The following LRP6 variants were observed in gnomAD, a reference collection of about 807,000 sequenced individuals.
LRP6 encodes LDL receptor related protein 6.
In LRP6, 43 loss-of-function variants were observed where a neutral mutation model predicts 184.1. The observed-to-expected ratio is 0.23, with a 90% confidence interval of 0.18 to 0.30. The LOEUF (loss-of-function observed/expected upper bound fraction) is 0.30, where lower values mean the gene tolerates loss of function less well. Among genes scored for constraint, LRP6 ranks in the 10% least tolerant of loss-of-function variants. LRP6 has a pLI of 1.00. For synonymous variants in LRP6, 719 were observed against 684.9 expected (o/e 1.05, Z -0.78); for missense variants, 1,571 against 2,005.3 (o/e 0.78, Z 4.14).
Position 12,126,855 on chromosome 12 carries a change from G to A in LRP6, c.4148C>T (p.Thr1383Ile). The A allele has an allele frequency of 6.2e-7, 1 of 1,614,104 alleles. No individual in the cohort carries two copies. The highest frequency in any genetic ancestry group is 8.5e-7 in the Non-Finnish European group (1 of 1,179,994). The change falls in exon 20 of 23, where the codon ACC becomes ATC. Residue 1383 changes from threonine (T) to isoleucine (I), a missense_variant. Around this residue, in one of 4 missense-constraint regions of LRP6, gnomAD observed 763 missense variants for 859.5 expected, o/e 0.89. Coordinates refer to ENST00000261349, the MANE Select transcript of LRP6 (RefSeq NM_002336.3). ...TVGSVIGVIV[T>I]IFVSGTVYFI... is the part of the protein sequence containing the mutation. ...GTATACAGTTCCAGACACAAAAATG[G>A]TGACAATTACGCCAATAACAGAACC... is the stretch of plus-strand genomic sequence containing the variant.
At chr12:12,160,834 T>A (rs549968655) in intron 10 of LRP6, among the ~76,000 whole-genome samples, 1 of 152,312 alleles carries the variant, frequency 6.6e-6, no homozygotes, top group African/African-American at 2.4e-5. Context: ...GAGGTGCTAG[T>A]TTTTGAGACT....
intron 7 of LRP6, among the ~76,000 whole-genome samples, chr12:12,176,515 A>C (rs1390252348): frequency 5.9e-5 from 9 of 152,208 alleles, no homozygotes; most frequent in African/African-American, 1.7e-4. Context: ...ACCTGAGGTT[A>C]AATCTATTCA....
intron 3 of LRP6, among the ~76,000 whole-genome samples, chr12:12,190,574 T>G (rs1168224425): frequency 6.6e-6 from 1 of 152,254 alleles, no homozygotes; most frequent in Non-Finnish European, 1.5e-5. Flanking sequence ...CTTTGAACTC[T>G]GCAAGTGGTT....
intron 19 of LRP6, among the ~76,000 whole-genome samples, chr12:12,129,660 C>A (rs1167548424): frequency 6.6e-6 from 1 of 151,986 alleles, no homozygotes; most frequent in African/African-American, 2.4e-5. Context: ...TCAAACGATT[C>A]TCTTGCCTCA....
Position 12,132,049 on chromosome 12 carries a change from T to C in LRP6, c.3742A>G (p.Thr1248Ala). 3 of 1,610,584 alleles carry C rather than the reference T, an allele frequency of 1.9e-6. No homozygotes were observed. The highest frequency in any genetic ancestry group is 2.2e-5 in the East Asian group (1 of 44,876). Reference sequence around the variant, plus strand: ...CAAGTAAACTGCTGAGGAGAACATGTTGGAGGTTCTTCAAATGAACAAGGA... The same window carrying C: ...CAAGTAAACTGCTGAGGAGAACATGCTGGAGGTTCTTCAAATGAACAAGGA... ...QDELSCGEPP[T>A]CSPQQFTCFT... Residue 1248 changes from threonine to alanine, a missense_variant, in exon 18 of 23, where the codon ACA becomes GCA. Physicochemically the swap from Thr to Ala is moderately conservative, Grantham distance 58 (BLOSUM62 0). Transcript: ENST00000261349.
At chr12:12,256,287 G>A (rs569670408) in intron 1 of LRP6, among the ~76,000 whole-genome samples, 168 of 152,314 alleles carry the variant, frequency 1.1e-3, no homozygotes, top group African/African-American at 3.8e-3. Context: ...GGCCAGGCGC[G>A]GTGGCTCATG....
intron 15 of LRP6, among the ~76,000 whole-genome samples, chr12:12,144,625 G>A (rs1949977088): frequency 6.6e-6 from 1 of 151,896 alleles, no homozygotes; most frequent in African/African-American, 2.4e-5. Context: ...TGGGTGACAG[G>A]GCAAAACCCT....
intron 2 of LRP6, among the ~76,000 whole-genome samples, chr12:12,230,843 G>C (rs1202979229): frequency 6.6e-6 from 1 of 152,032 alleles, no homozygotes; most frequent in East Asian, 1.9e-4. Context: ...AACTTATCAA[G>C]AAAGTAGGAG....
chr12:12,193,783 A>G (rs571664226), intron 3 of LRP6, among the ~76,000 whole-genome samples: 7 of 152,118 alleles, frequency 4.6e-5, no homozygotes, highest in Non-Finnish European at 1.0e-4. Context: ...TGGCAGGAAA[A>G]GTTGTATCAA....
At chr12:12,188,124 C>T (rs911620191) in intron 3 of LRP6, among the ~76,000 whole-genome samples, 2 of 150,872 alleles carry the variant, frequency 1.3e-5, no homozygotes, top group African/African-American at 4.9e-5. Flanking sequence ...AGGCAGAGAA[C>T]TGCTTGAATC....
At chr12:12,263,757 A>G (rs1865687114) in intron 1 of LRP6, among the ~76,000 whole-genome samples, 1 of 150,344 alleles carries the variant, frequency 6.7e-6, no homozygotes, top group Non-Finnish European at 1.5e-5. Flanking sequence ...TCACATGAAC[A>G]CAGGAGGTCC....
chr12:12,217,959 A>G (rs1362841156), intron 2 of LRP6, among the ~76,000 whole-genome samples: 2 of 152,200 alleles, frequency 1.3e-5, no homozygotes, highest in Non-Finnish European at 2.9e-5. Flanking sequence ...CATGATCCAG[A>G]ATTAAAAGAA....
chr12:12,250,986 A>C lies in LRP6; in HGVS notation c.56-6331T>G, dbSNP rs890033272. Reference sequence around the variant, plus strand: ...CGCTCTGTCACCCAGGCTGGAGTGCAGTGGTACAATCTGGGCTTAATGTAA... The same window carrying C: ...CGCTCTGTCACCCAGGCTGGAGTGCCGTGGTACAATCTGGGCTTAATGTAA... On this transcript the variant is annotated intron_variant, in intron 1 of 22. Transcript: ENST00000261349. Among the ~76,000 whole-genome samples the C allele has an allele frequency of 3.9e-5, 6 of 152,080 alleles. No homozygotes were observed. The South Asian group carries it at 6.2e-4, about 16-fold the overall frequency.
At chr12:12,177,398 T>C (rs557355434) in intron 7 of LRP6, among the ~76,000 whole-genome samples, 1 of 152,308 alleles carries the variant, frequency 6.6e-6, no homozygotes, top group East Asian at 1.9e-4. Flanking sequence ...TTTAAAATTA[T>C]ACATCTTTGT....
rs1419002269 is a variant in LRP6, at chr12:12,181,238, C to T, written c.1178G>A (p.Gly393Asp). The T allele has an allele frequency of 6.8e-6, 11 of 1,614,006 alleles. No individual in the cohort carries two copies. Among genetic ancestry groups the T allele is most frequent in the Non-Finnish European group, 8.5e-6 (10 of 1,179,978 alleles). The change falls in exon 6 of 23, where the codon GGC (glycine) becomes GAC (aspartate). Residue 393 changes from glycine to aspartate, a missense_variant. By Grantham distance (94) the Gly-to-Asp change is moderately conservative (BLOSUM62 -1). Transcript: ENST00000261349. ...TTGAGCAGTGACCACAAACTGACTG[C>T]CAGATCCATCTATAAATGAACGGCG... ...AIRRSFIDGS[G>D]SQFVVTAQIA...
chr12:12,159,127 G>GTCA lies in LRP6; in HGVS notation c.2490_2492dup (p.Asp831dup). 1 of 1,614,068 alleles carries GTCA rather than the reference G, an allele frequency of 6.2e-7. No homozygotes were observed. The highest frequency in any genetic ancestry group is 8.5e-7 in the Non-Finnish European group (1 of 1,179,994). ...GAGTTAAGCCAAAAGGATGAGGCAA[G>GTCA]TCATCTGCTATAACTTCACGGTTGA... is the stretch of plus-strand genomic sequence containing the variant. On this transcript the variant is annotated inframe_insertion, in exon 12 of 23. Coordinates refer to ENST00000261349, the MANE Select transcript of LRP6 (RefSeq NM_002336.3).
At chr12:12,169,868 C>T (rs977353006) in intron 7 of LRP6, among the ~76,000 whole-genome samples, 8 of 152,036 alleles carry the variant, frequency 5.3e-5, no homozygotes, top group East Asian at 1.9e-4. Context: ...TTTAAAACCA[C>T]GTTTTGTAAG....
At chr12:12,223,176 G>A (rs375389763) in intron 2 of LRP6, among the ~76,000 whole-genome samples, 1,128 of 114,462 alleles carry the variant, frequency 9.9e-3, no homozygotes, top group Non-Finnish European at 0.01. Flanking sequence ...CATTTCATCA[G>A]AAAAAAAAAA....
At position 12,118,043 on chromosome 12, in the gene LRP6, C is replaced by T. The variant is rs1484147279; in HGVS notation, c.*3083G>A. The T allele has an allele frequency of 6.6e-6, 1 of 152,098 alleles. No individual in the cohort carries two copies. The highest frequency in any genetic ancestry group is 1.9e-4 in the East Asian group (1 of 5,202). 9.4% of individuals were successfully genotyped at this position (152,098 alleles called of 1,614,324 possible). A position where few individuals can be genotyped will look rare whatever the true frequency, so the allele number is the denominator to read the frequency against. The stretch of plus-strand genomic sequence containing the variant: ...AAACTTACTAAAGAATCAGAGATCT[C>T]TTGGTAATGTATCACAAGCTACTTT... On this transcript the variant is annotated 3_prime_UTR_variant, in exon 23 of 23. Coordinates refer to ENST00000261349, the MANE Select transcript of LRP6 (RefSeq NM_002336.3).
Sources: allele counts gnomAD v4.1 joint callset (sites outside exome capture counted in the v4.1 genomes callset), GRCh38; gene constraint gnomAD v4.1.1; regional missense constraint gnomAD v4.1.1; transcripts MANE v1.5; gene names NCBI Gene and HGNC (gene_info 2026-07-23, HGNC 2026-07-21).